P3H2: variants seen among roughly 807,000 people sequenced by gnomAD.
P3H2 encodes leprecan-like 1.
Under a neutral mutation model 87.0 loss-of-function variants are expected in P3H2, and 80 were observed. The ratio of observed to expected loss-of-function variants is 0.92; its 90% CI spans 0.77 to 1.11. P3H2 has a LOEUF of 1.11. Among genes scored for constraint, P3H2 ranks in the 50% least tolerant of loss-of-function variants. The pLI is 0.00. For missense variants in P3H2, 1,001 were observed against 923.9 expected (o/e 1.08, Z -1.08); for synonymous variants, 367 against 359.3 (o/e 1.02, Z -0.24).
intron 1 of P3H2, among the ~76,000 whole-genome samples, chr3:190,017,888 G>A (rs756801239): frequency 6.6e-6 from 1 of 152,214 alleles, no homozygotes; most frequent in African/African-American, 2.4e-5. Context: ...CAATGGCAAA[G>A]AGAACTTGCT....
intron 1 of P3H2, among the ~76,000 whole-genome samples, chr3:190,103,139 T>C (rs1711693770): frequency 6.6e-6 from 1 of 152,262 alleles, no homozygotes; most frequent in African/African-American, 2.4e-5. Flanking sequence ...GCTTGCTTTA[T>C]TGCAATGGTC....
chr3:190,049,180 G>C (rs1725896828), intron 1 of P3H2, among the ~76,000 whole-genome samples: 1 of 152,172 alleles, frequency 6.6e-6, no homozygotes, highest in Admixed American at 6.5e-5. Flanking sequence ...GAATCTCGAA[G>C]GTGTGATAAA....
intron 1 of P3H2, among the ~76,000 whole-genome samples, chr3:190,014,225 T>C (rs1330131996): frequency 2.6e-5 from 4 of 152,216 alleles, no homozygotes; most frequent in Non-Finnish European, 5.9e-5. Flanking sequence ...AATGAATAAC[T>C]ATTTCAAGTC....
At chr3:190,016,526 G>A (rs998549557) in intron 1 of P3H2, among the ~76,000 whole-genome samples, 10 of 152,338 alleles carry the variant, frequency 6.6e-5, no homozygotes, top group Admixed American at 2.0e-4. Flanking sequence ...TTACAGGCAT[G>A]AGCCACTGCA....
At chr3:190,101,760 A>G (rs556774247) in intron 1 of P3H2, among the ~76,000 whole-genome samples, 1 of 152,376 alleles carries the variant, frequency 6.6e-6, no homozygotes, top group South Asian at 2.1e-4. Context: ...AGGTGGCTGC[A>G]CTAAACAACA....
rs111909207 is a variant in P3H2, at chr3:190,061,726, T to C, written c.480+58526A>G. Among the ~76,000 whole-genome samples, 371 of 152,272 alleles carry C rather than the reference T, an allele frequency of 2.4e-3. 1 individual carries two copies. The highest frequency in any genetic ancestry group is 8.4e-3 in the African/African-American group (350 of 41,576). On this transcript the variant is annotated intron_variant, in intron 1 of 14. Coordinates refer to ENST00000319332, the MANE Select transcript of P3H2 (RefSeq NM_018192.4). ...CAAACTGGTGCCAGATACCATGTAC[T>C]GTCCTAAGAAGTCTTTAAGGGTTTC...
intron 1 of P3H2, among the ~76,000 whole-genome samples, chr3:190,074,277 A>G (rs923820304): frequency 5.3e-5 from 8 of 152,168 alleles, no homozygotes; most frequent in Non-Finnish European, 8.8e-5. Flanking sequence ...CGGGAGGTCG[A>G]GGTGAATGGA....
intron 1 of P3H2, among the ~76,000 whole-genome samples, chr3:190,015,685 G>C (rs1310240484): frequency 6.9e-6 from 1 of 144,006 alleles, no homozygotes; most frequent in Admixed American, 6.8e-5. Context: ...ATTTATCTCA[G>C]CATCATTGCA....
chr3:189,995,148 A>C (rs545384958), intron 2 of P3H2, 142 bp downstream of exon 2: 1 of 695,612 alleles, frequency 1.4e-6, no homozygotes, highest in Admixed American at 3.1e-5. Flanking sequence ...TTATATTCTG[A>C]GAATTCTGAA....
At chr3:189,989,958 T>G (rs1220061894) in intron 3 of P3H2, among the ~76,000 whole-genome samples, 1 of 152,228 alleles carries the variant, frequency 6.6e-6, no homozygotes, top group Non-Finnish European at 1.5e-5. Context: ...GGATGTATTT[T>G]CCAGCAAGAA....
intron 8 of P3H2, among the ~76,000 whole-genome samples, chr3:189,978,759 C>G (rs1427259984): frequency 2.6e-5 from 4 of 151,428 alleles, no homozygotes; most frequent in Non-Finnish European, 4.4e-5. Context: ...ATATGACTAC[C>G]AGTCTTAAGC....
At chr3:189,966,580 T>C (rs1425775499) in intron 13 of P3H2, among the ~76,000 whole-genome samples, 1 of 152,238 alleles carries the variant, frequency 6.6e-6, no homozygotes. Flanking sequence ...CCTGCTTCCA[T>C]GTGTGACATT....
At chr3:190,063,414 A>G (rs531542533) in intron 1 of P3H2, among the ~76,000 whole-genome samples, 29 of 152,328 alleles carry the variant, frequency 1.9e-4, no homozygotes, top group Admixed American at 5.2e-4. Context: ...ACGTTTGGCT[A>G]TTGCATTACA....
Position 189,957,308 on chromosome 3 carries a change from G to T in P3H2, c.*604C>A, listed in dbSNP as rs116079698. On this transcript the variant is annotated 3_prime_UTR_variant, in exon 15 of 15. Transcript: ENST00000319332. ...GCCGTTAGCACCTAAGGATGTGGCT[G>T]AAAGGCACAGAGCAAGAAAGGGCTT... 2.7e-3 allele frequency: 1,089 copies of T among 399,862 alleles called. 6 individuals carry two copies. The highest frequency in any genetic ancestry group is 0.02 in the African/African-American group (968 of 48,710). The allele number at this position is 399,862 out of a possible 1,614,324, so 24.8% of individuals were successfully genotyped here. A position where few individuals can be genotyped will look rare whatever the true frequency, so the allele number is the denominator to read the frequency against.
intron 8 of P3H2, 97 bp from the exon 9 acceptor site, chr3:189,974,782 C>G (rs756725934): frequency 4.3e-6 from 6 of 1,381,874 alleles, no homozygotes; most frequent in Non-Finnish European, 6.2e-6. Context: ...TCGAGTGAGT[C>G]CATTTCTTCA....
chr3:189,990,300 G>C (rs1723838626), intron 3 of P3H2, among the ~76,000 whole-genome samples: 1 of 152,098 alleles, frequency 6.6e-6, no homozygotes, highest in South Asian at 2.1e-4. Flanking sequence ...CTATTTATTT[G>C]ATTAGCATGT....
intron 1 of P3H2, among the ~76,000 whole-genome samples, chr3:190,005,891 C>G: frequency 6.6e-6 from 1 of 152,166 alleles, no homozygotes; most frequent in Non-Finnish European, 1.5e-5. Flanking sequence ...CATGCTCTTA[C>G]TAAAGAGATG....
chr3:190,051,226 A>G (rs2108960916), intron 1 of P3H2, among the ~76,000 whole-genome samples: 1 of 152,330 alleles, frequency 6.6e-6, no homozygotes, highest in East Asian at 1.9e-4. Flanking sequence ...GTTACTCTGG[A>G]TGAGAAAAGA....
intron 1 of P3H2, among the ~76,000 whole-genome samples, chr3:190,041,585 A>C (rs114376418): frequency 0.023 from 3,489 of 152,226 alleles, 132 homozygotes; most frequent in African/African-American, 0.08. Context: ...AATAATAGCT[A>C]CTTTGCAACC....
Sources: gnomAD v4.1 joint callset for allele counts (sites outside exome capture counted in the v4.1 genomes callset) on GRCh38, gnomAD v4.1.1 for gene constraint, MANE v1.5 for transcripts, NCBI Gene and HGNC (gene_info 2026-07-23, HGNC 2026-07-21) for gene names.